The following RP9 variants were observed in gnomAD, a reference collection of about 807,000 sequenced individuals.
RP9 encodes RP9 pre-mRNA splicing factor, also known as retinitis pigmentosa 9 protein.
RP9 carries 23 observed loss-of-function variants against 32.6 expected under a neutral mutation model. That is an observed-to-expected ratio of 0.71 (90% CI 0.51 to 1.00). RP9 has a LOEUF of 1.00. RP9 is among the 50% of genes least tolerant of loss of function. The pLI is 0.00. For missense variants in RP9, 245 were observed against 285.3 expected, an observed-to-expected ratio of 0.86 and a Z score of 1.02; for synonymous variants, 94 against 103.6, an observed-to-expected ratio of 0.91 and a Z score of 0.56.
chr7:33,106,202 C>A (rs1422691928), intron 1 of RP9, among the ~76,000 whole-genome samples: 2 of 152,006 alleles, frequency 1.3e-5, no homozygotes, highest in African/African-American at 4.8e-5. Context: ...GGATATCACT[C>A]TGTTGCCCAG....
In RP9 at chr7:33,109,124, C is replaced by A. The variant is rs1562623172; in HGVS notation, c.152+97G>T. ...CAGCCCCCCTGCCTGCTCGCGGGGGCTCGGAGGACCCGGCCTAGCGCCCAC... is the reference window on the plus strand; with the variant it reads ...CAGCCCCCCTGCCTGCTCGCGGGGGATCGGAGGACCCGGCCTAGCGCCCAC... On this transcript the variant is annotated intron_variant, in intron 1 of 5. Coordinates refer to ENST00000297157, the MANE Select transcript of RP9 (RefSeq NM_203288.2). This position sits in a 1 kb window ranked among gnomAD's most constrained non-coding sequence, Gnocchi z 4.9. The A allele has an allele frequency of 4.2e-6, 6 of 1,418,072 alleles. No individual in the cohort carries two copies. The highest frequency in any genetic ancestry group is 4.6e-6 in the Non-Finnish European group (5 of 1,084,562). The allele number at this position is 1,418,072 out of a possible 1,614,324, so 87.8% of individuals were successfully genotyped here. A position where few individuals can be genotyped will look rare whatever the true frequency, so the allele number is the denominator to read the frequency against.
At chr7:33,096,429 T>G in intron 5 of RP9, 64 bp downstream of exon 5, 1 of 1,209,472 alleles carries the variant, frequency 8.3e-7, no homozygotes, top group Non-Finnish European at 1.2e-6. Context: ...CTAGAGTGGT[T>G]TTCTCCAACT....
intron 1 of RP9, among the ~76,000 whole-genome samples, chr7:33,102,335 C>T (rs1259696376): frequency 6.6e-6 from 1 of 152,178 alleles, no homozygotes; most frequent in Admixed American, 6.5e-5. Flanking sequence ...ATGCATTTAT[C>T]TTTGCAGTCA....
intron 1 of RP9, among the ~76,000 whole-genome samples, chr7:33,101,038 G>A (rs1472739829): frequency 6.7e-6 from 1 of 149,486 alleles, no homozygotes; most frequent in Admixed American, 6.7e-5. Context: ...GGGTCTTGTC[G>A]TGTTGCCTAG....
chr7:33,096,787 G>A (rs1047464126), intron 4 of RP9, among the ~76,000 whole-genome samples: 1 of 152,098 alleles, frequency 6.6e-6, no homozygotes, highest in East Asian at 1.9e-4. Flanking sequence ...CTTTGGGGTA[G>A]CCCTGCTCTG....
In RP9 at chr7:33,109,398, C is replaced by T; in HGVS notation, c.-26G>A. On this transcript the variant is annotated 5_prime_UTR_variant, in exon 1 of 6. Transcript: ENST00000297157. The surrounding 1 kb of genome is among the most constrained non-coding windows in gnomAD (Gnocchi z 4.9). ...GTCAGCCCCCGCAGCGCCGCTCGGG[C>T]AACCCCCGCGGCGCGGCTCCGGCGG... The T allele has an allele frequency of 8.6e-7, 1 of 1,157,724 alleles. No individual in the cohort carries two copies. The highest frequency in any genetic ancestry group is 1.1e-6 in the Non-Finnish European group (1 of 940,822). 71.7% of individuals were successfully genotyped at this position (1,157,724 alleles called of 1,614,324 possible). A position where few individuals can be genotyped will look rare whatever the true frequency, so the allele number is the denominator to read the frequency against.
In RP9 at chr7:33,109,240, G is replaced by A. The variant is rs1192133568; in HGVS notation, c.133C>T (p.Leu45Phe). The change falls in exon 1 of 6, where the codon CTC (leucine) becomes TTC (phenylalanine). Residue 45 changes from leucine (L) to phenylalanine (F), a missense_variant. Physicochemically the swap from Leu to Phe is conservative, Grantham distance 22 (BLOSUM62 0). Transcript: ENST00000297157. The surrounding 1 kb of genome is among the most constrained non-coding windows in gnomAD (Gnocchi z 4.9). ...ACTCACAAGGACTCCAGGTGCTTGAGCTGCTGCAGCTGCTGCGCGTCGTGT... is the reference window on the plus strand; with the variant it reads ...ACTCACAAGGACTCCAGGTGCTTGAACTGCTGCAGCTGCTGCGCGTCGTGT... ...RRHDAQQLQQ[L>F]KHLESFYEKP... The A allele has an allele frequency of 6.7e-7, 1 of 1,496,476 alleles. No homozygotes were observed. The highest frequency in any genetic ancestry group is 1.2e-5 in the South Asian group (1 of 80,252). 92.7% of individuals were successfully genotyped at this position (1,496,476 alleles called of 1,614,324 possible).
In RP9 at chr7:33,099,472, A is replaced by G. The variant is rs767854219; in HGVS notation, c.184-36T>C. 5 of 1,613,488 alleles carry G rather than the reference A, an allele frequency of 3.1e-6. No individual in the cohort carries two copies. The South Asian group carries it at 3.3e-5, about 11-fold the overall frequency. The stretch of plus-strand genomic sequence containing the variant: ...GAACAGGTATAAACAGCATGGCAAG[A>G]GCGCTGGGATTCTCTCCTGCTCCCC... On this transcript the variant is annotated intron_variant, in intron 2 of 5. Coordinates refer to ENST00000297157, the MANE Select transcript of RP9 (RefSeq NM_203288.2).
intron 1 of RP9, among the ~76,000 whole-genome samples, chr7:33,101,821 G>C (rs915090134): frequency 6.6e-6 from 1 of 152,144 alleles, no homozygotes; most frequent in African/African-American, 2.4e-5. Flanking sequence ...GCATGACATA[G>C]GCCTAATGGA....
chr7:33,103,533 G>T (rs1478229414), intron 1 of RP9, among the ~76,000 whole-genome samples: 1 of 152,192 alleles, frequency 6.6e-6, no homozygotes, highest in Non-Finnish European at 1.5e-5. Context: ...AATGAGTTGA[G>T]GCCAGAGCAG....
chr7:33,103,741 G>A (rs1788460161), intron 1 of RP9, among the ~76,000 whole-genome samples: 1 of 152,136 alleles, frequency 6.6e-6, no homozygotes, highest in Admixed American at 6.5e-5. Context: ...GATCACTTGA[G>A]CCCAGGAAGT....
At position 33,109,165 on chromosome 7, in the gene RP9, C is replaced by A; in HGVS notation, c.152+56G>T. On this transcript the variant is annotated intron_variant, in intron 1 of 5. Transcript: ENST00000297157. This position sits in a 1 kb window ranked among gnomAD's most constrained non-coding sequence, Gnocchi z 4.9. Reference sequence around the variant, plus strand: ...TAGCGCCCACCGCGGCGTCCCGCGCCCCGGGCCCCTGGCTTCAGAAGACTG... The same window carrying A: ...TAGCGCCCACCGCGGCGTCCCGCGCACCGGGCCCCTGGCTTCAGAAGACTG... 6.8e-7 allele frequency: 1 copy of A among 1,470,302 alleles called. No individual in the cohort carries two copies. Among genetic ancestry groups the A allele is most frequent in the Non-Finnish European group, 9.0e-7 (1 of 1,111,972 alleles). The allele number at this position is 1,470,302 out of a possible 1,614,324, so 91.1% of individuals were successfully genotyped here. A position where few individuals can be genotyped will look rare whatever the true frequency, so the allele number is the denominator to read the frequency against.
intron 1 of RP9, 109 bp from the exon 2 acceptor site, chr7:33,100,670 A>AT: frequency 1.1e-6 from 1 of 872,648 alleles, no homozygotes; most frequent in Non-Finnish European, 1.9e-6. Context: ...TTTAGCAACA[A>AT]TAAGCTTTTA....
chr7:33,095,552 GTATTTT>G, intron 5 of RP9, 120 bp from the exon 6 acceptor site: 3 of 1,504,172 alleles, frequency 2.0e-6, no homozygotes, highest in African/African-American at 2.8e-5. Context: ...CACAAAGACA[GTATTTT>G]TATTTTTACC....
At chr7:33,103,026 C>A (rs1373344635) in intron 1 of RP9, among the ~76,000 whole-genome samples, 1 of 152,188 alleles carries the variant, frequency 6.6e-6, no homozygotes, top group Non-Finnish European at 1.5e-5. Flanking sequence ...AACTGACCAA[C>A]ATGCTTATCT....
Position 33,109,227 on chromosome 7 carries a change from T to C in RP9, c.146A>G (p.Glu49Gly). The stretch of plus-strand genomic sequence containing the variant: ...ACGGCAGCTCGGGACTCACAAGGAC[T>C]CCAGGTGCTTGAGCTGCTGCAGCTG... ...AQQLQQLKHL[E>G]SFYEKPPPGL... The change falls in exon 1 of 6, where the codon GAG becomes GGG. Residue 49 changes from glutamate to glycine, a missense_variant. By Grantham distance (98) the Glu-to-Gly change is moderately conservative. Transcript: ENST00000297157. The surrounding 1 kb of genome is among the most constrained non-coding windows in gnomAD (Gnocchi z 4.9). 6.7e-7 allele frequency: 1 copy of C among 1,497,194 alleles called. No individual in the cohort carries two copies. Among genetic ancestry groups the C allele is most frequent in the Non-Finnish European group, 8.9e-7 (1 of 1,125,482 alleles). 92.7% of individuals were successfully genotyped at this position (1,497,194 alleles called of 1,614,324 possible).
chr7:33,108,661 T>C (rs1788535952), intron 1 of RP9, among the ~76,000 whole-genome samples: 1 of 152,210 alleles, frequency 6.6e-6, no homozygotes, highest in African/African-American at 2.4e-5. Flanking sequence ...AAGCAACCTT[T>C]ATTCACCATA....
At chr7:33,099,180 GA>G (rs1411602915) in intron 3 of RP9, 126 bp downstream of exon 3, 1 of 1,096,276 alleles carries the variant, frequency 9.1e-7, no homozygotes, top group East Asian at 2.4e-5. Context: ...TCCTTATCTA[GA>G]AGATGGAGAA....
intron 3 of RP9, among the ~76,000 whole-genome samples, chr7:33,097,626 A>AT (rs920767139): frequency 5.0e-4 from 74 of 149,234 alleles, no homozygotes; most frequent in Admixed American, 1.4e-3. Context: ...CAAAAGGTGA[A>AT]TTTTTTTTTT....
Sources: allele counts gnomAD v4.1 joint callset (sites outside exome capture counted in the v4.1 genomes callset), GRCh38; gene constraint gnomAD v4.1.1; non-coding constraint Gnocchi (gnomAD v3.1); transcripts MANE v1.5; gene names NCBI Gene and HGNC (gene_info 2026-07-23, HGNC 2026-07-21).